Variants in KCNN2 observed in about 807,000 individuals in gnomAD.
KCNN2 encodes potassium calcium-activated channel subfamily N member 2, also known as small conductance calcium-activated potassium channel protein 2.
KCNN2 carries 24 observed loss-of-function variants against 55.5 expected under a neutral mutation model. The observed-to-expected ratio is 0.43, with a 90% confidence interval of 0.31 to 0.61. The LOEUF is 0.61. Among genes scored for constraint, KCNN2 ranks in the 20% least tolerant of loss-of-function variants. KCNN2 has a pLI of 0.08. For missense variants in KCNN2, 754 were observed against 853.6 expected (o/e 0.88, Z 1.45); for synonymous variants, 431 against 336.1 (o/e 1.28, Z -3.09).
intron 1 of KCNN2, among the ~76,000 whole-genome samples, chr5:114,119,489 G>T (rs1483445976): frequency 6.6e-6 from 1 of 152,164 alleles, no homozygotes; most frequent in Non-Finnish European, 1.5e-5. Context: ...TATCTAGCCA[G>T]TGTTATTTTT....
At chr5:114,380,084 A>C (rs187743119) in intron 2 of KCNN2, among the ~76,000 whole-genome samples, 142 of 152,098 alleles carry the variant, frequency 9.3e-4, no homozygotes, top group Non-Finnish European at 1.8e-3. Context: ...ATCTTAAGCA[A>C]CAGTTTCCAT....
chr5:114,406,154 G>A (rs573601437), intron 3 of KCNN2, among the ~76,000 whole-genome samples: 1 of 148,908 alleles, frequency 6.7e-6, no homozygotes, highest in East Asian at 2.0e-4. Flanking sequence ...GCCCATTCCA[G>A]CTTTCCAGAA....
intron 5 of KCNN2, among the ~76,000 whole-genome samples, chr5:114,474,317 G>C (rs1761878055): frequency 6.6e-6 from 1 of 152,168 alleles, no homozygotes; most frequent in South Asian, 2.1e-4. Context: ...TTACCTATCA[G>C]ACAGTCCTGT....
In KCNN2 at chr5:114,480,317, A is replaced by G. The variant is rs148152442; in HGVS notation, c.1891-6733A>G. 4.3e-3 allele frequency among the ~76,000 whole-genome samples: 660 copies of G among 152,262 alleles called. 6 individuals are homozygous for G. Among genetic ancestry groups the G allele is most frequent in the African/African-American group, 0.015 (627 of 41,558 alleles). The stretch of plus-strand genomic sequence containing the variant: ...CCTCCTACGACCGAACCAAGAAGAA[A>G]TTGAATTCCTGAATAGACCAATAAT... On this transcript the variant is annotated intron_variant, in intron 5 of 7. Coordinates refer to ENST00000673685, the MANE Select transcript of KCNN2 (RefSeq NM_021614.4).
intron 1 of KCNN2, among the ~76,000 whole-genome samples, chr5:114,154,896 T>G (rs1213296034): frequency 6.6e-6 from 1 of 152,178 alleles, no homozygotes; most frequent in Non-Finnish European, 1.5e-5. Context: ...TTTTTAACTT[T>G]TATTTTAAGT....
intron 2 of KCNN2, among the ~76,000 whole-genome samples, chr5:114,398,255 G>A (rs943101990): frequency 2.0e-4 from 31 of 152,170 alleles, no homozygotes; most frequent in African/African-American, 6.5e-4. Context: ...GTGGCTAGCC[G>A]GTTTTCCCAG....
At chr5:114,323,379 T>C (rs975543088) in intron 2 of KCNN2, among the ~76,000 whole-genome samples, 5 of 152,206 alleles carry the variant, frequency 3.3e-5, no homozygotes, top group Non-Finnish European at 7.3e-5. Flanking sequence ...TGTACTCATT[T>C]CATTTTGGTA....
chr5:114,339,707 G>GT (rs1756982280), intron 2 of KCNN2, among the ~76,000 whole-genome samples: 2 of 152,056 alleles, frequency 1.3e-5, no homozygotes, highest in Non-Finnish European at 2.9e-5. Context: ...AAAGGCTGAG[G>GT]TGGGAGGATT....
At chr5:114,112,990 G>A (rs911314127) in intron 1 of KCNN2, among the ~76,000 whole-genome samples, 1 of 152,006 alleles carries the variant, frequency 6.6e-6, no homozygotes, top group Non-Finnish European at 1.5e-5. Context: ...ATTGCTTCAT[G>A]TTTCAACTTC....
chr5:114,072,849 T>C (rs1750605267), intron 1 of KCNN2, among the ~76,000 whole-genome samples: 1 of 152,230 alleles, frequency 6.6e-6, no homozygotes, highest in South Asian at 2.1e-4. Flanking sequence ...TATTAACAAG[T>C]GAATATTTTA....
chr5:114,386,736 A>G (rs1450834126), intron 2 of KCNN2, among the ~76,000 whole-genome samples: 1 of 152,208 alleles, frequency 6.6e-6, no homozygotes, highest in Non-Finnish European at 1.5e-5. Flanking sequence ...AGGAGGGGCA[A>G]GGGATGCTGT....
At chr5:114,156,898 A>T (rs996333331) in intron 1 of KCNN2, among the ~76,000 whole-genome samples, 4 of 152,094 alleles carry the variant, frequency 2.6e-5, no homozygotes, top group African/African-American at 9.7e-5. Flanking sequence ...CTTATAGTCT[A>T]CTGATGTTCA....
At chr5:114,354,643 T>C (rs183426846) in intron 2 of KCNN2, among the ~76,000 whole-genome samples, 244 of 152,294 alleles carry the variant, frequency 1.6e-3, no homozygotes, top group African/African-American at 5.7e-3. Flanking sequence ...TTCAGTTATA[T>C]GAGCTAGGAA....
intron 2 of KCNN2, among the ~76,000 whole-genome samples, chr5:114,355,656 G>A (rs1757282102): frequency 6.6e-6 from 1 of 150,730 alleles, no homozygotes; most frequent in African/African-American, 2.4e-5. Context: ...GTCTGCCAGA[G>A]TAGGAGCCAA....
intron 1 of KCNN2, among the ~76,000 whole-genome samples, chr5:114,206,557 C>T (rs1283078011): frequency 6.6e-6 from 1 of 151,964 alleles, no homozygotes; most frequent in Non-Finnish European, 1.5e-5. Flanking sequence ...GTGAATTTCT[C>T]TCAAATACCT....
intron 1 of KCNN2, among the ~76,000 whole-genome samples, chr5:114,142,143 C>G (rs1022794259): frequency 1.3e-5 from 2 of 152,104 alleles, no homozygotes. Flanking sequence ...TAATGAGATC[C>G]CATTTGTCAA....
At chr5:114,150,508 A>C (rs1752499711) in intron 1 of KCNN2, among the ~76,000 whole-genome samples, 1 of 152,204 alleles carries the variant, frequency 6.6e-6, no homozygotes, top group Non-Finnish European at 1.5e-5. Context: ...GACAGCATGA[A>C]AGACCAAAGA....
At chr5:114,273,882 G>A (rs1467360624) in intron 2 of KCNN2, among the ~76,000 whole-genome samples, 4 of 152,144 alleles carry the variant, frequency 2.6e-5, no homozygotes, top group Admixed American at 6.6e-5. Flanking sequence ...TTTGGCTTTT[G>A]TTGCCATTGC....
intron 1 of KCNN2, among the ~76,000 whole-genome samples, chr5:114,060,123 G>A (rs759806326): frequency 1.2e-4 from 18 of 152,326 alleles, no homozygotes; most frequent in Admixed American, 3.9e-4. Flanking sequence ...TCCCATACCA[G>A]ATATCACATC....
Sources: allele counts gnomAD v4.1 joint callset (sites outside exome capture counted in the v4.1 genomes callset), GRCh38; gene constraint gnomAD v4.1.1; transcripts MANE v1.5; gene names NCBI Gene and HGNC (gene_info 2026-07-23, HGNC 2026-07-21).